The following SLC44A5 variants were observed in gnomAD, a reference collection of about 807,000 sequenced individuals.
SLC44A5 encodes the protein solute carrier family 44 member 5, also known as choline transporter-like protein 5.
In SLC44A5, 57 loss-of-function variants were observed where a neutral mutation model predicts 101.8. That is an observed-to-expected ratio of 0.56 (90% CI 0.45 to 0.70). The LOEUF is 0.70. Ranked by LOEUF, SLC44A5 falls within the 30% of genes least tolerant of loss-of-function variation. The probability of loss-of-function intolerance (pLI) is 0.00; values close to 1 mark genes in which losing one functional copy is unlikely to be tolerated. For synonymous variants in SLC44A5, 281 were observed against 290.9 expected (o/e 0.97, Z 0.35); for missense variants, 737 against 853.1 (o/e 0.86, Z 1.70).
the SLC44A5 span, among the ~76,000 whole-genome samples, chr1:75,633,279 G>A: frequency 7.9e-5 from 12 of 152,238 alleles, no homozygotes; most frequent in East Asian, 1.2e-3. Flanking sequence ...AGCTTGATGG[G>A]GATGGCATTG....
upstream of SLC44A5, among the ~76,000 whole-genome samples, chr1:75,613,532 CTTCT>C (rs1445653738): frequency 6.6e-6 from 1 of 152,178 alleles, no homozygotes; most frequent in African/African-American, 2.4e-5. Context: ...TAAAGGTGTC[CTTCT>C]TTCTGTGAAA....
At chr1:75,246,203 G>C (rs559229631) in intron 7 of SLC44A5, among the ~76,000 whole-genome samples, 1 of 152,188 alleles carries the variant, frequency 6.6e-6, no homozygotes, top group East Asian at 1.9e-4. Flanking sequence ...GAATTTGGTG[G>C]CTGGGAGAGT....
chr1:75,641,672 C>T, the SLC44A5 span: 45 of 1,499,048 alleles, frequency 3.0e-5, no homozygotes, highest in Non-Finnish European at 3.7e-5. Flanking sequence ...TTGAAGAATA[C>T]TATATACCTC....
intron 2 of SLC44A5, among the ~76,000 whole-genome samples, chr1:75,535,723 T>C (rs1012107476): frequency 3.9e-5 from 6 of 152,180 alleles, no homozygotes; most frequent in African/African-American, 1.4e-4. Flanking sequence ...CTCTCTAGCC[T>C]AGTCATTACA....
At position 75,350,751 on chromosome 1, in the gene SLC44A5, AG is replaced by A. The variant is rs1177468637; in HGVS notation, c.53-11122del. 4.0e-5 allele frequency among the ~76,000 whole-genome samples: 6 copies of A among 151,728 alleles called. No individual in the cohort carries two copies. The South Asian group carries it at 8.3e-4, about 21-fold the overall frequency. ...TTACTAAAGACACAAAAAATGAGCC[AG>A]GCATGGTAGCATGCACCTGTAATCC... On this transcript the variant is annotated intron_variant, in intron 3 of 23. Transcript: ENST00000370859.
intron 2 of SLC44A5, among the ~76,000 whole-genome samples, chr1:75,423,271 CA>C (rs1213403564): frequency 6.6e-6 from 1 of 152,184 alleles, no homozygotes; most frequent in African/African-American, 2.4e-5. Flanking sequence ...CAAGCTTCCT[CA>C]GCAAACAATG....
chr1:75,450,136 C>A (rs1311791257), intron 2 of SLC44A5, among the ~76,000 whole-genome samples: 1 of 152,136 alleles, frequency 6.6e-6, no homozygotes, highest in Non-Finnish European at 1.5e-5. Flanking sequence ...GAGCAAACTT[C>A]CCCCGTGACA....
At chr1:75,489,471 G>C (rs1471916034) in intron 2 of SLC44A5, among the ~76,000 whole-genome samples, 1 of 152,152 alleles carries the variant, frequency 6.6e-6, no homozygotes, top group Non-Finnish European at 1.5e-5. Context: ...TCAATAACTA[G>C]GTTTTTCATT....
intron 4 of SLC44A5, among the ~76,000 whole-genome samples, chr1:75,322,303 C>T (rs1210649964): frequency 6.6e-6 from 1 of 151,948 alleles, no homozygotes; most frequent in Non-Finnish European, 1.5e-5. Flanking sequence ...CAGAGCGAGA[C>T]TCCATCTCAA....
chr1:75,683,208 G>T, the SLC44A5 span, among the ~76,000 whole-genome samples: 1 of 151,346 alleles, frequency 6.6e-6, no homozygotes, highest in Non-Finnish European at 1.5e-5. Flanking sequence ...CGATTCCTCT[G>T]GGATCTAGAA....
intron 1 of SLC44A5, chr1:75,581,961 T>C (rs1673720831): frequency 2.6e-6 from 1 of 385,330 alleles, no homozygotes; most frequent in Admixed American, 3.8e-5. Context: ...CAGGTAAACC[T>C]CTTTCTTTAA....
the SLC44A5 span, among the ~76,000 whole-genome samples, chr1:75,647,715 G>C: frequency 2.6e-5 from 4 of 152,168 alleles, no homozygotes; most frequent in Non-Finnish European, 5.9e-5. Context: ...AGATTTGACT[G>C]TCCCACTGGA....
intron 2 of SLC44A5, among the ~76,000 whole-genome samples, chr1:75,467,046 A>C (rs564772517): frequency 1.1e-3 from 164 of 152,296 alleles, no homozygotes; most frequent in South Asian, 4.6e-3. Context: ...AATAATAAAC[A>C]ATCTGAAAAA....
At chr1:75,564,991 A>G (rs974375663) in intron 1 of SLC44A5, among the ~76,000 whole-genome samples, 2 of 152,206 alleles carry the variant, frequency 1.3e-5, no homozygotes, top group African/African-American at 4.8e-5. Context: ...ACAGATAAAC[A>G]TGTGCCATGG....
chr1:75,345,264 A>T (rs1411257810), intron 3 of SLC44A5, among the ~76,000 whole-genome samples: 2 of 150,518 alleles, frequency 1.3e-5, no homozygotes, highest in Non-Finnish European at 2.9e-5. Context: ...GAAGTAAGGG[A>T]GAAAGTATCC....
At chr1:75,361,276 T>C (rs1659471934) in intron 3 of SLC44A5, among the ~76,000 whole-genome samples, 1 of 152,178 alleles carries the variant, frequency 6.6e-6, no homozygotes. Flanking sequence ...TCACGTCTTC[T>C]TTTCCTATTA....
At position 75,235,002 on chromosome 1, in the gene SLC44A5, C is replaced by A. The variant is rs144470785; in HGVS notation, c.741-904G>T. Among the ~76,000 whole-genome samples, 36 of 152,100 alleles carry A rather than the reference C, an allele frequency of 2.4e-4. No homozygotes were observed. The East Asian group carries it at 6.4e-3, about 27-fold the overall frequency. ...ACATAGCAACAGACAGAGTGTAGTACATTTATTAAGTTATTGTCTCAAGTG... is the reference window on the plus strand; with the variant it reads ...ACATAGCAACAGACAGAGTGTAGTAAATTTATTAAGTTATTGTCTCAAGTG... On this transcript the variant is annotated intron_variant, in intron 11 of 23. Coordinates refer to ENST00000370859, the MANE Select transcript of SLC44A5 (RefSeq NM_001130058.2).
chr1:75,288,596 TG>T lies in SLC44A5; in HGVS notation c.175+12015del, dbSNP rs1345166973. Among the ~76,000 whole-genome samples the T allele has an allele frequency of 3.9e-5, 6 of 152,228 alleles. No individual in the cohort carries two copies. The East Asian group carries it at 1.2e-3, about 29-fold the overall frequency. On this transcript the variant is annotated intron_variant, in intron 5 of 23. Coordinates refer to ENST00000370859, the MANE Select transcript of SLC44A5 (RefSeq NM_001130058.2). ...TAGAGAAACTATATATGATACTGATTGGCAGTGCAGAGGGAAGACAGGTTCT... is the reference window on the plus strand; with the variant it reads ...TAGAGAAACTATATATGATACTGATTGCAGTGCAGAGGGAAGACAGGTTCT...
chr1:75,232,789 T>C (rs1647703377), intron 12 of SLC44A5, among the ~76,000 whole-genome samples: 1 of 152,186 alleles, frequency 6.6e-6, no homozygotes, highest in Non-Finnish European at 1.5e-5. Context: ...TAGACGAGAA[T>C]ACCAGGTCTT....
Sources: allele counts gnomAD v4.1 joint callset (sites outside exome capture counted in the v4.1 genomes callset), GRCh38; gene constraint gnomAD v4.1.1; transcripts MANE v1.5; gene names NCBI Gene and HGNC (gene_info 2026-07-23, HGNC 2026-07-21).